Variants in ELAPOR2 observed in about 807,000 individuals in gnomAD.
The protein encoded by ELAPOR2 is endosome-lysosome associated apoptosis and autophagy regulator family member 2, also known as endosome/lysosome-associated apoptosis and autophagy regulator family member 2.
Under a neutral mutation model 120.7 loss-of-function variants are expected in ELAPOR2, and 89 were observed. That is an observed-to-expected ratio of 0.74 (90% CI 0.62 to 0.88). The LOEUF is 0.88. Ranked by LOEUF, ELAPOR2 falls within the 40% of genes least tolerant of loss-of-function variation. The pLI, the probability that ELAPOR2 is intolerant of heterozygous loss-of-function variation, is 0.00. For missense variants in ELAPOR2, 1,134 were observed against 1,251.6 expected, an observed-to-expected ratio of 0.91 and a Z score of 1.42; for synonymous variants, 444 against 444.9, an observed-to-expected ratio of 1.00 and a Z score of 0.03.
chr7:87,014,980 T>C (rs1349840298), intron 1 of ELAPOR2, among the ~76,000 whole-genome samples: 6 of 152,066 alleles, frequency 3.9e-5, no homozygotes, highest in Non-Finnish European at 8.8e-5. Context: ...TCTTTATTGA[T>C]TTCATACCAG....
At chr7:86,976,097 A>T (rs1445017969) in intron 1 of ELAPOR2, among the ~76,000 whole-genome samples, 1 of 152,178 alleles carries the variant, frequency 6.6e-6, no homozygotes, top group Non-Finnish European at 1.5e-5. Context: ...GCACCAGCTT[A>T]GAACAGCACT....
chr7:86,953,668 A>C (rs1791359136), intron 2 of ELAPOR2, among the ~76,000 whole-genome samples: 1 of 152,232 alleles, frequency 6.6e-6, no homozygotes, highest in African/African-American at 2.4e-5. Context: ...GCTGTTTTGA[A>C]CATGAATTTA....
chr7:86,912,645 T>C (rs745310495), intron 14 of ELAPOR2, among the ~76,000 whole-genome samples: 1 of 152,216 alleles, frequency 6.6e-6, no homozygotes, highest in African/African-American at 2.4e-5. Context: ...AGCCTATAGA[T>C]AGGTAGTTTA....
intron 1 of ELAPOR2, among the ~76,000 whole-genome samples, chr7:87,011,985 T>C (rs1168668457): frequency 6.6e-6 from 1 of 152,200 alleles, no homozygotes; most frequent in Admixed American, 6.5e-5. Context: ...TATTTTAACT[T>C]GATACCATTT....
At position 86,898,764 on chromosome 7, in the gene ELAPOR2, A is replaced by C. The variant is rs116466010; in HGVS notation, c.2559-1132T>G. Among the ~76,000 whole-genome samples the C allele has an allele frequency of 2.9e-3, 446 of 152,224 alleles. 2 individuals carry two copies. Among genetic ancestry groups the C allele is most frequent in the African/African-American group, 0.01 (433 of 41,552 alleles). The stretch of plus-strand genomic sequence containing the variant: ...CTGGAGTTTCAAGAGCAACGCAATG[A>C]GTGAGTGCTGGGCATATGGAGAGAA... On this transcript the variant is annotated intron_variant, in intron 18 of 21. Transcript: ENST00000450689.
At chr7:86,881,348 A>C (rs1162731887) in intron 21 of ELAPOR2, among the ~76,000 whole-genome samples, 3 of 147,648 alleles carry the variant, frequency 2.0e-5, no homozygotes, top group Non-Finnish European at 4.5e-5. Flanking sequence ...AGATGCGAGC[A>C]AGCACGCCCT....
At chr7:86,988,384 T>TA (rs35533486) in intron 1 of ELAPOR2, among the ~76,000 whole-genome samples, 57,518 of 151,914 alleles carry the variant, frequency 0.38, 11,744 homozygotes, top group African/African-American at 0.53. Flanking sequence ...AATTCCACAG[T>TA]AAAAAAATGC....
intron 1 of ELAPOR2, among the ~76,000 whole-genome samples, chr7:87,041,375 T>A (rs1238261660): frequency 6.6e-6 from 1 of 152,126 alleles, no homozygotes; most frequent in African/African-American, 2.4e-5. Flanking sequence ...AAGGTCTGGT[T>A]ACCCTTAAAG....
chr7:86,900,693 G>C (rs1788679676), intron 18 of ELAPOR2, among the ~76,000 whole-genome samples: 1 of 152,114 alleles, frequency 6.6e-6, no homozygotes, highest in African/African-American at 2.4e-5. Context: ...CCTTTAACCT[G>C]ATGAATCACT....
At chr7:86,981,699 A>G (rs885997) in intron 1 of ELAPOR2, among the ~76,000 whole-genome samples, 57,351 of 151,876 alleles carry the variant, frequency 0.38, 11,645 homozygotes, top group African/African-American at 0.53. Context: ...GTTCCAAGAT[A>G]GCCAAATAGG....
At chr7:87,000,947 T>C (rs2116630753) in intron 1 of ELAPOR2, among the ~76,000 whole-genome samples, 1 of 152,264 alleles carries the variant, frequency 6.6e-6, no homozygotes, top group Middle Eastern at 3.4e-3. Context: ...CTTCTAAAAA[T>C]GTTTCTTCAT....
At chr7:86,944,793 C>CAAA in intron 4 of ELAPOR2, 106 bp downstream of exon 4, 4 of 723,196 alleles carry the variant, frequency 5.5e-6, no homozygotes, top group Admixed American at 4.0e-5. Context: ...CACACACACA[C>CAAA]AAAAAAAAAA....
At chr7:86,956,721 C>T (rs1291294981) in intron 2 of ELAPOR2, among the ~76,000 whole-genome samples, 2 of 152,066 alleles carry the variant, frequency 1.3e-5, no homozygotes, top group East Asian at 3.9e-4. Flanking sequence ...TTCTTGACTT[C>T]AATGTTTGAT....
At chr7:87,020,048 G>C (rs1423067376) in intron 1 of ELAPOR2, among the ~76,000 whole-genome samples, 3 of 151,972 alleles carry the variant, frequency 2.0e-5, no homozygotes, top group African/African-American at 7.3e-5. Flanking sequence ...ACATCAGAAA[G>C]TGTTCAGAAA....
At chr7:87,038,642 A>G (rs561596664) in intron 1 of ELAPOR2, among the ~76,000 whole-genome samples, 1 of 152,152 alleles carries the variant, frequency 6.6e-6, no homozygotes, top group African/African-American at 2.4e-5. Context: ...GCAATTTTGG[A>G]AACTATACAA....
intron 18 of ELAPOR2, among the ~76,000 whole-genome samples, chr7:86,905,530 G>A (rs1788971467): frequency 6.6e-6 from 1 of 151,938 alleles, no homozygotes; most frequent in Non-Finnish European, 1.5e-5. Context: ...AACTCTAAAT[G>A]AAGATTTATC....
chr7:87,024,258 G>T (rs1794165984), intron 1 of ELAPOR2, among the ~76,000 whole-genome samples: 2 of 152,154 alleles, frequency 1.3e-5, no homozygotes, highest in Admixed American at 1.3e-4. Flanking sequence ...AATTTATTGA[G>T]AGTTTTTAGC....
At chr7:87,007,069 G>C (rs956099980) in intron 1 of ELAPOR2, among the ~76,000 whole-genome samples, 2 of 152,192 alleles carry the variant, frequency 1.3e-5, no homozygotes, top group African/African-American at 4.8e-5. Flanking sequence ...GAGTTGGAGA[G>C]AGAATTAACT....
chr7:86,901,207 T>C (rs17161096), intron 18 of ELAPOR2, among the ~76,000 whole-genome samples: 33,656 of 152,174 alleles, frequency 0.22, 6,177 homozygotes, highest in African/African-American at 0.51. Flanking sequence ...AGGTGGACCT[T>C]GATTTGGCTT....
Sources: allele counts gnomAD v4.1 joint callset (sites outside exome capture counted in the v4.1 genomes callset), GRCh38; gene constraint gnomAD v4.1.1; transcripts MANE v1.5; gene names NCBI Gene and HGNC (gene_info 2026-07-23, HGNC 2026-07-21).